Variants in FAM227B observed in about 807,000 individuals in gnomAD.
FAM227B encodes family with sequence similarity 227 member B.
Under a neutral mutation model 73.8 loss-of-function variants are expected in FAM227B, and 88 were observed. That is an observed-to-expected ratio of 1.19 (90% CI 1.00 to 1.42). The LOEUF is 1.42. FAM227B is among the 40% of genes most tolerant of loss of function. FAM227B has a pLI of 0.00. For synonymous variants in FAM227B, 210 were observed against 190.5 expected, an observed-to-expected ratio of 1.10 and a Z score of -0.84; for missense variants, 632 against 590.9, an observed-to-expected ratio of 1.07 and a Z score of -0.72.
At chr15:49,463,581 T>A (rs1044862552) in intron 11 of FAM227B, among the ~76,000 whole-genome samples, 61 of 149,710 alleles carry the variant, frequency 4.1e-4, no homozygotes, top group Non-Finnish European at 8.6e-4. Context: ...CAAACTCAAC[T>A]AGCTGCATAA....
At chr15:49,440,362 A>G (rs970034671) in intron 11 of FAM227B, among the ~76,000 whole-genome samples, 1 of 151,760 alleles carries the variant, frequency 6.6e-6, no homozygotes, top group Non-Finnish European at 1.5e-5. Context: ...AGAGGGGTAG[A>G]ATATTGCTCC....
At chr15:49,578,879 G>A (rs896374346) in intron 5 of FAM227B, among the ~76,000 whole-genome samples, 1 of 152,126 alleles carries the variant, frequency 6.6e-6, no homozygotes, top group Non-Finnish European at 1.5e-5. Flanking sequence ...CCTTTGTAAT[G>A]GGAGAAAATA....
At chr15:49,470,511 A>C (rs987745045) in intron 11 of FAM227B, among the ~76,000 whole-genome samples, 1 of 152,010 alleles carries the variant, frequency 6.6e-6, no homozygotes, top group African/African-American at 2.4e-5. Context: ...CTTCATAAAA[A>C]CTCCAACACA....
At chr15:49,559,344 C>T (rs911439574) in intron 9 of FAM227B, among the ~76,000 whole-genome samples, 5 of 152,082 alleles carry the variant, frequency 3.3e-5, no homozygotes, top group African/African-American at 1.2e-4. Flanking sequence ...CTCTCCAACC[C>T]CACAGAACAG....
At chr15:49,532,592 CA>C (rs1286578532) in intron 10 of FAM227B, among the ~76,000 whole-genome samples, 2 of 150,440 alleles carry the variant, frequency 1.3e-5, no homozygotes, top group African/African-American at 4.9e-5. Flanking sequence ...CAGAATAACG[CA>C]AAAAGCATCA....
intron 13 of FAM227B, chr15:49,353,966 C>CA (rs2042650294): frequency 6.6e-6 from 1 of 152,008 alleles, no homozygotes; most frequent in African/African-American, 2.4e-5. Context: ...AATGTGTGTT[C>CA]ATGTGATGAA....
chr15:49,363,531 G>A (rs6493368), intron 13 of FAM227B, among the ~76,000 whole-genome samples: 2 of 152,084 alleles, frequency 1.3e-5, no homozygotes, highest in Admixed American at 6.5e-5. Context: ...GGGCAGAGAC[G>A]ATTGGTTTTG....
Position 49,541,812 on chromosome 15 carries a change from A to T in FAM227B, c.748-6T>A, listed in dbSNP as rs201443869. 43 of 1,390,240 alleles carry T rather than the reference A, an allele frequency of 3.1e-5. No homozygotes were observed. The highest frequency in any genetic ancestry group is 1.9e-4 in the Middle Eastern group (1 of 5,176). 86.1% of individuals were successfully genotyped at this position (1,390,240 alleles called of 1,614,324 possible). ...GCCAAACAATCAGGATATATCTACC[A>T]AAATAAAATCAAATTAGATTAATTT... On this transcript the variant is annotated splice_polypyrimidine_tract_variant and splice_region_variant and intron_variant, in intron 9 of 15. Transcript: ENST00000299338.
At chr15:49,485,489 A>G (rs1403987106) in intron 11 of FAM227B, 3 of 152,326 alleles carry the variant, frequency 2.0e-5, no homozygotes, top group Non-Finnish European at 4.4e-5. Flanking sequence ...AAAAACCTTA[A>G]TAAGCTGTAT....
intron 9 of FAM227B, among the ~76,000 whole-genome samples, chr15:49,555,588 G>C (rs2073574630): frequency 6.6e-6 from 1 of 152,198 alleles, no homozygotes; most frequent in Non-Finnish European, 1.5e-5. Context: ...TTGAATGTTG[G>C]CCTCTCTAGT....
chr15:49,476,965 C>T (rs1438486247), intron 11 of FAM227B, among the ~76,000 whole-genome samples: 1 of 151,086 alleles, frequency 6.6e-6, no homozygotes, highest in Admixed American at 6.6e-5. Context: ...GAGGCTGAGG[C>T]AGGGAAATGG....
intron 11 of FAM227B, among the ~76,000 whole-genome samples, chr15:49,420,095 C>T (rs2049494076): frequency 6.6e-6 from 1 of 152,164 alleles, no homozygotes; most frequent in Non-Finnish European, 1.5e-5. Flanking sequence ...GATTATAAAA[C>T]TAGCACAACC....
chr15:49,509,421 T>C (rs1023898516), intron 10 of FAM227B, among the ~76,000 whole-genome samples: 2 of 152,064 alleles, frequency 1.3e-5, no homozygotes, highest in Non-Finnish European at 2.9e-5. Context: ...GGTCCTGATA[T>C]ATAAAGAGAG....
chr15:49,447,303 ACT>A (rs1301186706), intron 11 of FAM227B, among the ~76,000 whole-genome samples: 2 of 151,578 alleles, frequency 1.3e-5, no homozygotes, highest in East Asian at 3.9e-4. Flanking sequence ...CTGGCAAAAT[ACT>A]CTCTTATCAC....
chr15:49,562,487 T>C (rs1406567206), intron 9 of FAM227B, among the ~76,000 whole-genome samples: 1 of 151,664 alleles, frequency 6.6e-6, no homozygotes, highest in Non-Finnish European at 1.5e-5. Context: ...GCGGGGCTTC[T>C]CCTCACATAT....
intron 8 of FAM227B, among the ~76,000 whole-genome samples, chr15:49,573,366 T>C (rs2075245272): frequency 6.6e-6 from 1 of 152,198 alleles, no homozygotes; most frequent in Non-Finnish European, 1.5e-5. Flanking sequence ...AACTGTTTAA[T>C]GTGGACTTGA....
chr15:49,411,584 A>G (rs2048875764), intron 11 of FAM227B, among the ~76,000 whole-genome samples: 1 of 152,118 alleles, frequency 6.6e-6, no homozygotes, highest in African/African-American at 2.4e-5. Flanking sequence ...GGATGAGTAC[A>G]TATAAAACAT....
At chr15:49,410,572 T>C (rs2048806127) in intron 11 of FAM227B, among the ~76,000 whole-genome samples, 3 of 152,126 alleles carry the variant, frequency 2.0e-5, no homozygotes, top group Non-Finnish European at 2.9e-5. Flanking sequence ...TAGCGAATCA[T>C]TTTCCATGTT....
At chr15:49,549,649 A>G (rs2072511294) in intron 9 of FAM227B, among the ~76,000 whole-genome samples, 1 of 151,840 alleles carries the variant, frequency 6.6e-6, no homozygotes. Context: ...GTTGGGGGTA[A>G]GGTCACAGAT....
Sources: allele counts gnomAD v4.1 joint callset (sites outside exome capture counted in the v4.1 genomes callset), GRCh38; gene constraint gnomAD v4.1.1; transcripts MANE v1.5; gene names NCBI Gene and HGNC (gene_info 2026-07-23, HGNC 2026-07-21).